The following TRAPPC11 variants were observed in gnomAD, a reference collection of about 807,000 sequenced individuals.
TRAPPC11 encodes trafficking protein particle complex subunit 11, also known as foie gras homolog.
A neutral mutation model predicts 151.2 loss-of-function variants in TRAPPC11; 104 were observed. That is an observed-to-expected ratio of 0.69 (90% CI 0.59 to 0.81). The LOEUF (loss-of-function observed/expected upper bound fraction) is 0.81. Ranked by LOEUF, TRAPPC11 falls within the 30% of genes least tolerant of loss-of-function variation. TRAPPC11 has a pLI of 0.00. For missense variants in TRAPPC11, 1,230 were observed against 1,349.6 expected (o/e 0.91, Z 1.39); for synonymous variants, 456 against 472.3 (o/e 0.97, Z 0.45).
In TRAPPC11 at chr4:183,694,002, T is replaced by G. The variant is rs1736399088; in HGVS notation, c.2472T>G (p.Thr824=). 6.2e-7 allele frequency: 1 copy of G among 1,613,936 alleles called. No individual in the cohort carries two copies. Among genetic ancestry groups the G allele is most frequent in the Non-Finnish European group, 8.5e-7 (1 of 1,179,896 alleles). ...ATGAATCCTACCCGGCTTTACTCAC[T>G]GACATTCCTGTTGGAGACTTACATC... ...LCDESYPALL[T]DIPVGDLHPG... The change falls in exon 22 of 30, where the codon ACT becomes ACG. Residue 824 remains threonine, a synonymous_variant. Transcript: ENST00000334690.
At chr4:183,691,615 G>C (rs1278153757) in intron 19 of TRAPPC11, 144 bp downstream of exon 19, 1 of 489,950 alleles carries the variant, frequency 2.0e-6, no homozygotes, top group Non-Finnish European at 3.1e-6. Flanking sequence ...TAATAGTTTG[G>C]GAAGTTTCCT....
In TRAPPC11 at chr4:183,659,366, G is replaced by C. The variant is rs1368005688; in HGVS notation, c.-103G>C. On this transcript the variant is annotated 5_prime_UTR_variant, in exon 1 of 30. Transcript: ENST00000334690. ...GTGGGGACGGGCCACGGCGTTCTGT[G>C]ACATCCCCCCGCCTCCCCTCGTCTT... 5.6e-6 allele frequency: 1 copy of C among 177,562 alleles called. No individual in the cohort carries two copies. The highest frequency in any genetic ancestry group is 1.2e-5 in the Non-Finnish European group (1 of 84,704). The allele number at this position is 177,562 out of a possible 1,614,324, so 11.0% of individuals were successfully genotyped here. A position where few individuals can be genotyped will look rare whatever the true frequency, so the allele number is the denominator to read the frequency against.
At chr4:183,676,941 T>A (rs1354363548) in intron 7 of TRAPPC11, among the ~76,000 whole-genome samples, 3 of 152,030 alleles carry the variant, frequency 2.0e-5, no homozygotes, top group African/African-American at 7.3e-5. Context: ...ACTTTTGTAT[T>A]TTTAGTAGAG....
chr4:183,669,866 G>A (rs1438496914), intron 5 of TRAPPC11, among the ~76,000 whole-genome samples: 2 of 152,190 alleles, frequency 1.3e-5, no homozygotes, highest in Non-Finnish European at 2.9e-5. Flanking sequence ...GAGAAACAGA[G>A]GATGGGCCTC....
chr4:183,665,766 C>A (rs1210691942), intron 2 of TRAPPC11, among the ~76,000 whole-genome samples: 1 of 152,190 alleles, frequency 6.6e-6, no homozygotes, highest in African/African-American at 2.4e-5. Context: ...TTGTTCTCTG[C>A]TTTGTACTTC....
chr4:183,677,974 C>G (rs1471511766), intron 8 of TRAPPC11, among the ~76,000 whole-genome samples: 1 of 145,838 alleles, frequency 6.9e-6, no homozygotes, highest in African/African-American at 2.5e-5. Context: ...GAGTTTTGCT[C>G]TGTTGCCAGG....
At chr4:183,682,247 G>A (rs1427936118) in intron 10 of TRAPPC11, among the ~76,000 whole-genome samples, 1 of 152,164 alleles carries the variant, frequency 6.6e-6, no homozygotes. Flanking sequence ...TTTGGTTTCA[G>A]AGGGAAAAGT....
chr4:183,697,705 TGACATCCCCTTTCTGTTGATGACG>T lies in TRAPPC11; in HGVS notation c.2725_2748del (p.Ile909_Asp916del). 6.2e-7 allele frequency: 1 copy of T among 1,614,220 alleles called. No individual in the cohort carries two copies. Among genetic ancestry groups the T allele is most frequent in the Non-Finnish European group, 8.5e-7 (1 of 1,180,044 alleles). ...TTGAGCACCTGGAAAGGGTTTATGC[TGACATCCCCTTTCTGTTGATGACG>T]GACCTCTTAAGTGCCTCACCCTGGG... is the stretch of plus-strand genomic sequence containing the variant. On this transcript the variant is annotated inframe_deletion, in exon 25 of 30. Transcript: ENST00000334690.
rs770191637 is a variant in TRAPPC11 at position 183,712,635 on chromosome 4, T to C, written c.3393T>C (p.Ala1131=). 1.9e-6 allele frequency: 3 copies of C among 1,614,110 alleles called. No homozygotes were observed. In the South Asian group the frequency reaches 3.3e-5, roughly 18 times the overall value. The change falls in exon 30 of 30, where the codon GCT becomes GCC. Residue 1131 remains alanine (A), a synonymous_variant. Transcript: ENST00000334690. Reference sequence around the variant, plus strand: ...GACTCATGGATGATACCTCTATTGCTGCTGCATGATGTTCAAGACCGGCCC... The same window carrying C: ...GACTCATGGATGATACCTCTATTGCCGCTGCATGATGTTCAAGACCGGCCC... ...QGRLMDDTSI[A]AA is the part of the protein sequence containing the mutation.
Position 183,669,644 on chromosome 4 carries a change from T to C in TRAPPC11, c.560+1527T>C, listed in dbSNP as rs1284839603. Among the ~76,000 whole-genome samples, 4 of 152,332 alleles carry C rather than the reference T, an allele frequency of 2.6e-5. No homozygotes were observed. In the South Asian group the frequency reaches 6.2e-4, roughly 24 times the overall value. ...ACTATTTGGCAATGCCTGGAGACTT[T>C]TATGATTGCCATAACTGAGGGGGTT... On this transcript the variant is annotated intron_variant, in intron 5 of 29. Coordinates refer to ENST00000334690, the MANE Select transcript of TRAPPC11 (RefSeq NM_021942.6).
chr4:183,680,882 G>A (rs2111351493), intron 10 of TRAPPC11, among the ~76,000 whole-genome samples: 1 of 151,612 alleles, frequency 6.6e-6, no homozygotes, highest in African/African-American at 2.4e-5. Context: ...TAGTAGAGAT[G>A]GGGTTTCGCC....
intron 29 of TRAPPC11, among the ~76,000 whole-genome samples, chr4:183,712,033 T>C (rs76753396): frequency 0.019 from 2,928 of 152,214 alleles, 58 homozygotes; most frequent in East Asian, 0.061. Flanking sequence ...ATAGGGCAGT[T>C]TTTGTTTTTA....
intron 17 of TRAPPC11, among the ~76,000 whole-genome samples, chr4:183,685,948 C>G (rs1735943293): frequency 6.6e-6 from 1 of 152,202 alleles, no homozygotes; most frequent in Non-Finnish European, 1.5e-5. Flanking sequence ...ATTCTCCTCC[C>G]TCAGCCTCCT....
At chr4:183,701,872 C>A in intron 26 of TRAPPC11, 64 bp downstream of exon 26, 1 of 1,075,260 alleles carries the variant, frequency 9.3e-7, no homozygotes, top group Non-Finnish European at 1.4e-6. Context: ...CTTTATTATT[C>A]ATCTTTGTCA....
intron 26 of TRAPPC11, among the ~76,000 whole-genome samples, chr4:183,704,516 C>CT (rs1159073354): frequency 3.2e-4 from 31 of 95,940 alleles, no homozygotes; most frequent in African/African-American, 1.2e-3. Flanking sequence ...GTGAGACTGT[C>CT]TCAAAAAAAA....
chr4:183,693,115 C>T lies in TRAPPC11; in HGVS notation c.2205C>T (p.His735=). 1 of 1,610,508 alleles carries T rather than the reference C, an allele frequency of 6.2e-7. No individual in the cohort carries two copies. Among genetic ancestry groups the T allele is most frequent in the Non-Finnish European group, 8.5e-7 (1 of 1,177,630 alleles). Reference sequence around the variant, plus strand: ...CTAAGCTACCTGACAATGAAGTTCACTGGGACAGCATTATAATTCAGGCAA... The same window carrying T: ...CTAAGCTACCTGACAATGAAGTTCATTGGGACAGCATTATAATTCAGGCAA... ...RRPKLPDNEV[H]WDSIIIQAST... The change falls in exon 20 of 30, where the codon CAC becomes CAT. Residue 735 remains histidine, a synonymous_variant. Transcript: ENST00000334690.
rs550300380 is a variant in TRAPPC11, at chr4:183,678,440, T to G, written c.831+886T>G. Among the ~76,000 whole-genome samples, 6 of 152,326 alleles carry G rather than the reference T, an allele frequency of 3.9e-5. No homozygotes were observed. The East Asian group carries it at 1.2e-3, about 29-fold the overall frequency. On this transcript the variant is annotated intron_variant, in intron 8 of 29. Transcript: ENST00000334690. Reference sequence around the variant, plus strand: ...CTGTTTTTTTCTAATAGGAAAAGATTAGAAACAACCCAGTTGTAAGTGATT... The same window carrying G: ...CTGTTTTTTTCTAATAGGAAAAGATGAGAAACAACCCAGTTGTAAGTGATT...
chr4:183,660,854 T>C (rs574812152), intron 1 of TRAPPC11, among the ~76,000 whole-genome samples: 37 of 152,038 alleles, frequency 2.4e-4, no homozygotes, highest in South Asian at 1.5e-3. Flanking sequence ...GCTGGGACTA[T>C]AGGCACGCAT....
intron 29 of TRAPPC11, among the ~76,000 whole-genome samples, chr4:183,710,759 T>C (rs1329703512): frequency 6.7e-6 from 1 of 149,990 alleles, no homozygotes; most frequent in African/African-American, 2.4e-5. Flanking sequence ...CCGGGCGTGG[T>C]GGCTCACGCC....
Sources: gnomAD v4.1 joint callset for allele counts (sites outside exome capture counted in the v4.1 genomes callset) on GRCh38, gnomAD v4.1.1 for gene constraint, MANE v1.5 for transcripts, NCBI Gene and HGNC (gene_info 2026-07-23, HGNC 2026-07-21) for gene names.